The following DOCK8 variants were observed in gnomAD, a reference collection of about 807,000 sequenced individuals.
The protein encoded by DOCK8 is dedicator of cytokinesis protein 8.
DOCK8 carries 141 observed loss-of-function variants against 245.6 expected under a neutral mutation model. The ratio of observed to expected loss-of-function variants is 0.57; its 90% CI spans 0.50 to 0.66. The LOEUF (loss-of-function observed/expected upper bound fraction) is 0.66. Among genes scored for constraint, DOCK8 ranks in the 30% least tolerant of loss-of-function variants. The pLI, the probability that DOCK8 is intolerant of heterozygous loss-of-function variation, is 0.00. For missense variants in DOCK8, 2,965 were observed against 2,603.4 expected, an observed-to-expected ratio of 1.14 and a Z score of -3.02; for synonymous variants, 1,168 against 970.2, an observed-to-expected ratio of 1.20 and a Z score of -3.79.
intron 43 of DOCK8, 93 bp from the exon 44 acceptor site, chr9:446,277 G>C: frequency 9.3e-7 from 1 of 1,079,390 alleles, no homozygotes; most frequent in Admixed American, 1.7e-5. Context: ...GGGCGGTGCC[G>C]GCACGCCGTG....
chr9:368,003 T>C lies in DOCK8; in HGVS notation c.1680-15T>C. ...CTAGACCTTTTTCATTGATTCTTTA[T>C]CTCTTCTTTTCCAGAAACCTTCTCT... On this transcript the variant is annotated splice_polypyrimidine_tract_variant and intron_variant, in intron 14 of 47. Transcript: ENST00000432829. 6.3e-7 allele frequency: 1 copy of C among 1,589,052 alleles called. No individual in the cohort carries two copies. The highest frequency in any genetic ancestry group is 8.6e-7 in the Non-Finnish European group (1 of 1,157,306).
At chr9:239,204 C>T (rs745353074) in intron 1 of DOCK8, among the ~76,000 whole-genome samples, 3 of 152,212 alleles carry the variant, frequency 2.0e-5, no homozygotes, top group Non-Finnish European at 2.9e-5. Flanking sequence ...CACATACACA[C>T]ACGCATGGCC....
chr9:400,200 CA>C (rs2054782211), intron 26 of DOCK8, among the ~76,000 whole-genome samples: 1 of 117,982 alleles, frequency 8.5e-6, no homozygotes, highest in African/African-American at 3.4e-5. Context: ...CCATCACCAT[CA>C]CCACCACCTC....
chr9:334,250 A>T lies in DOCK8; in HGVS notation c.1151A>T (p.Lys384Ile). Residue 384 changes from lysine to isoleucine, a missense_variant, in exon 11 of 48, where the codon AAA (lysine) becomes ATA (isoleucine). Around this residue, in one of 3 missense-constraint regions of DOCK8, gnomAD observed 2,825 missense variants for 2,453.5 expected, o/e 1.15. Transcript: ENST00000432829. ...AGTAAAGAAAAGATTGAAAAACTAAAACTCCAAGCTGAATCCTTCTGCCAG... is the reference window on the plus strand; with the variant it reads ...AGTAAAGAAAAGATTGAAAAACTAATACTCCAAGCTGAATCCTTCTGCCAG... ...GKSKEKIEKL[K>I]LQAESFCQRL... 3 of 1,614,208 alleles carry T rather than the reference A, an allele frequency of 1.9e-6. No homozygotes were observed. Among genetic ancestry groups the T allele is most frequent in the Non-Finnish European group, 1.7e-6 (2 of 1,180,030 alleles).
intron 1 of DOCK8, among the ~76,000 whole-genome samples, chr9:244,105 G>A (rs545593889): frequency 4.6e-5 from 7 of 150,908 alleles, no homozygotes; most frequent in East Asian, 2.0e-4. Context: ...GGAGAATGGC[G>A]TGAACCCGGG....
chr9:284,450 C>T (rs971591730), intron 2 of DOCK8: 3 of 152,248 alleles, frequency 2.0e-5, no homozygotes, highest in Non-Finnish European at 4.4e-5. Context: ...GGAACCGACT[C>T]TGTCCCTTCT....
chr9:387,538 A>G (rs970489359), intron 23 of DOCK8, among the ~76,000 whole-genome samples: 3 of 152,178 alleles, frequency 2.0e-5, no homozygotes, highest in Non-Finnish European at 4.4e-5. Context: ...GGAAATGTTT[A>G]TTAAACAGGC....
chr9:339,597 C>G (rs147771565), intron 13 of DOCK8, among the ~76,000 whole-genome samples: 5,125 of 152,256 alleles, frequency 0.034, 293 homozygotes, highest in African/African-American at 0.12. Flanking sequence ...TCACTGCAAC[C>G]TCTGCCTTCC....
At chr9:300,198 G>A (rs2049471049) in intron 4 of DOCK8, among the ~76,000 whole-genome samples, 1 of 152,136 alleles carries the variant, frequency 6.6e-6, no homozygotes, top group Non-Finnish European at 1.5e-5. Context: ...AGACGTCACT[G>A]GGACATCTTA....
At chr9:395,016 G>C (rs2131382256) in intron 24 of DOCK8, among the ~76,000 whole-genome samples, 3 of 152,332 alleles carry the variant, frequency 2.0e-5, no homozygotes, top group Admixed American at 2.0e-4. Flanking sequence ...AGCCTGCCCA[G>C]AATCAGGATT....
intron 26 of DOCK8, 146 bp downstream of exon 26, chr9:399,405 A>T (rs935209481): frequency 5.7e-6 from 4 of 695,872 alleles, no homozygotes; most frequent in African/African-American, 3.5e-5. Flanking sequence ...CACGTCCCTC[A>T]TGTCTGTGCC....
chr9:354,743 T>C (rs1462901807), intron 14 of DOCK8, among the ~76,000 whole-genome samples: 3 of 152,206 alleles, frequency 2.0e-5, no homozygotes, highest in African/African-American at 2.4e-5. Context: ...GAGGCTTCCT[T>C]AAGTTCCTTA....
chr9:334,238 T>G lies in DOCK8; in HGVS notation c.1139T>G (p.Ile380Ser), dbSNP rs577932942. 4 of 1,614,078 alleles carry G rather than the reference T, an allele frequency of 2.5e-6. No homozygotes were observed. In the East Asian group the frequency reaches 6.7e-5, roughly 27 times the overall value. ...ATTTTCCTCCAGAGTAAAGAAAAGATTGAAAAACTAAAACTCCAAGCTGAA... is the reference window on the plus strand; with the variant it reads ...ATTTTCCTCCAGAGTAAAGAAAAGAGTGAAAAACTAAAACTCCAAGCTGAA... ...ESDGGKSKEK[I>S]EKLKLQAESF... Residue 380 changes from isoleucine (I) to serine (S), a missense_variant, in exon 11 of 48, where the codon ATT becomes AGT. Ile to Ser is a moderately radical substitution (Grantham distance 142, BLOSUM62 -2). This residue lies in a region of DOCK8 where 2,825 missense variants were observed against 2,453.5 expected (regional missense o/e 1.15). Transcript: ENST00000432829.
chr9:340,795 A>T (rs139137275), intron 14 of DOCK8, among the ~76,000 whole-genome samples: 1,594 of 152,240 alleles, frequency 0.01, 29 homozygotes, highest in African/African-American at 0.035. Flanking sequence ...CTCTTTCTAA[A>T]CATAGTTTAC....
At chr9:325,343 C>T (rs2050715244) in intron 7 of DOCK8, among the ~76,000 whole-genome samples, 1 of 152,090 alleles carries the variant, frequency 6.6e-6, no homozygotes, top group African/African-American at 2.4e-5. Context: ...CCTCTGAAAA[C>T]ACAGTAGTTA....
chr9:462,072 T>C (rs2057822098), intron 46 of DOCK8, among the ~76,000 whole-genome samples: 2 of 152,186 alleles, frequency 1.3e-5, no homozygotes, highest in Admixed American at 1.3e-4. Context: ...CTAATTCTTA[T>C]TGGACTAATT....
At chr9:459,358 G>C (rs1034886095) in intron 46 of DOCK8, among the ~76,000 whole-genome samples, 2 of 152,122 alleles carry the variant, frequency 1.3e-5, no homozygotes, top group Admixed American at 1.3e-4. Context: ...CATTATAAAA[G>C]TTTAAAGACA....
chr9:339,195 T>G, intron 13 of DOCK8, 96 bp downstream of exon 13: 1 of 1,091,358 alleles, frequency 9.2e-7, no homozygotes, highest in Admixed American at 1.9e-5. Context: ...AAAATCATGT[T>G]TGCCAAGTGA....
intron 4 of DOCK8, among the ~76,000 whole-genome samples, chr9:303,698 CTA>C (rs1257569875): frequency 6.6e-6 from 1 of 152,166 alleles, no homozygotes; most frequent in Non-Finnish European, 1.5e-5. Context: ...ACCATGGTCA[CTA>C]TGTGGGTGAC....
Sources: gnomAD v4.1 joint callset for allele counts (sites outside exome capture counted in the v4.1 genomes callset) on GRCh38, gnomAD v4.1.1 for gene constraint, gnomAD v4.1.1 regional missense constraint, MANE v1.5 for transcripts, NCBI Gene and HGNC (gene_info 2026-07-23, HGNC 2026-07-21) for gene names.